The following NTM variants were observed in gnomAD, a reference collection of about 807,000 sequenced individuals.
NTM encodes neurotrimin, also known as IgLON family member 2.
A neutral mutation model predicts 42.1 loss-of-function variants in NTM; 13 were observed. That is an observed-to-expected ratio of 0.31 (90% CI 0.20 to 0.49). The LOEUF (loss-of-function observed/expected upper bound fraction) is 0.49. Ranked by LOEUF, NTM falls within the 20% of genes least tolerant of loss-of-function variation. NTM has a pLI of 0.99. For missense variants in NTM, 373 were observed against 452.8 expected (o/e 0.82, Z 1.60); for synonymous variants, 187 against 179.2 (o/e 1.04, Z -0.35).
chr11:131,713,967 G>A (rs2077425553), intron 1 of NTM, among the ~76,000 whole-genome samples: 1 of 152,172 alleles, frequency 6.6e-6, no homozygotes, highest in African/African-American at 2.4e-5. Context: ...CACGGGCAGT[G>A]GCCTGCCAGC....
chr11:131,675,267 G>A (rs1269039836), intron 1 of NTM, among the ~76,000 whole-genome samples: 1 of 152,190 alleles, frequency 6.6e-6, no homozygotes. Flanking sequence ...GTTGTCGACT[G>A]GCTTTCTTGG....
At position 131,984,069 on chromosome 11, in the gene NTM, G is replaced by A. The variant is rs542902103; in HGVS notation, c.167+72421G>A. 3.4e-4 allele frequency among the ~76,000 whole-genome samples: 52 copies of A among 152,302 alleles called. No homozygotes were observed. In the South Asian group the frequency reaches 0.01, roughly 30 times the overall value. On this transcript the variant is annotated intron_variant, in intron 2 of 8. Coordinates refer to ENST00000683400, the MANE Select transcript of NTM (RefSeq NM_001352005.2). ...CAAGAAAAAATAGACACAGATTTTG[G>A]TGTACAGGTAGCAATCATAGCTACA...
At chr11:132,175,021 C>T (rs1373699965) in intron 3 of NTM, among the ~76,000 whole-genome samples, 1 of 152,168 alleles carries the variant, frequency 6.6e-6, no homozygotes, top group Non-Finnish European at 1.5e-5. Context: ...CACTTTCCCC[C>T]TGCAGCCTGC....
intron 1 of NTM, among the ~76,000 whole-genome samples, chr11:131,601,764 T>C (rs2060506870): frequency 6.6e-6 from 1 of 152,240 alleles, no homozygotes; most frequent in South Asian, 2.1e-4. Context: ...GAATGGCTTT[T>C]CTGTCCTCAT....
intron 1 of NTM, among the ~76,000 whole-genome samples, chr11:131,605,532 G>A (rs540770895): frequency 3.9e-4 from 59 of 152,212 alleles, no homozygotes; most frequent in African/African-American, 1.4e-3. Flanking sequence ...TCTCCAATCT[G>A]GATGCATTTT....
chr11:131,795,747 C>T, intron 1 of NTM: 1 of 985,280 alleles, frequency 1.0e-6, no homozygotes, highest in Non-Finnish European at 1.2e-6. Flanking sequence ...TGTAGTGGTT[C>T]AGGTCATGAT....
intron 2 of NTM, among the ~76,000 whole-genome samples, chr11:131,996,331 A>C (rs2068018783): frequency 6.6e-6 from 1 of 152,142 alleles, no homozygotes; most frequent in Non-Finnish European, 1.5e-5. Context: ...ACAGCGCCTG[A>C]CACACATGTA....
chr11:131,647,298 T>A (rs1235618090), intron 1 of NTM, among the ~76,000 whole-genome samples: 1 of 152,204 alleles, frequency 6.6e-6, no homozygotes, highest in Non-Finnish European at 1.5e-5. Flanking sequence ...AGTCGCACCA[T>A]CAAGGATTTT....
At chr11:131,746,877 TG>T (rs777553754) in intron 1 of NTM, among the ~76,000 whole-genome samples, 28 of 152,318 alleles carry the variant, frequency 1.8e-4, no homozygotes, top group Admixed American at 8.5e-4. Flanking sequence ...ATCAGAGGAC[TG>T]GAGCTGAGGT....
At chr11:131,442,838 C>CAT (rs1389474452) in intron 1 of NTM, among the ~76,000 whole-genome samples, 1 of 151,862 alleles carries the variant, frequency 6.6e-6, no homozygotes, top group East Asian at 1.9e-4. Flanking sequence ...TATACACACA[C>CAT]AGACACACAC....
At chr11:131,454,017 C>T (rs1041848104) in intron 1 of NTM, among the ~76,000 whole-genome samples, 4 of 152,184 alleles carry the variant, frequency 2.6e-5, no homozygotes, top group Admixed American at 6.5e-5. Flanking sequence ...TCTCTAAGCA[C>T]GTTTATTTCC....
At chr11:131,890,237 A>ACTT (rs2051106483) in intron 1 of NTM, among the ~76,000 whole-genome samples, 2 of 151,786 alleles carry the variant, frequency 1.3e-5, no homozygotes, top group South Asian at 4.2e-4. Context: ...ACCCTCAGAG[A>ACTT]CTTCCCCTCT....
chr11:132,246,452 G>A (rs961999655), intron 4 of NTM, among the ~76,000 whole-genome samples: 3 of 152,248 alleles, frequency 2.0e-5, no homozygotes, highest in African/African-American at 7.2e-5. Context: ...TGATTCTGCC[G>A]AGGTCACAGA....
intron 2 of NTM, among the ~76,000 whole-genome samples, chr11:131,954,227 A>G (rs1166208019): frequency 6.6e-6 from 1 of 152,188 alleles, no homozygotes; most frequent in African/African-American, 2.4e-5. Context: ...GTAGCACAGG[A>G]CGCTTCACTC....
At chr11:131,930,938 G>A (rs1362180152) in intron 2 of NTM, among the ~76,000 whole-genome samples, 1 of 152,148 alleles carries the variant, frequency 6.6e-6, no homozygotes, top group Non-Finnish European at 1.5e-5. Context: ...AGTCAGAAGT[G>A]CTTTGATGCT....
chr11:131,612,522 A>C (rs917926574), intron 1 of NTM, among the ~76,000 whole-genome samples: 5 of 152,244 alleles, frequency 3.3e-5, no homozygotes, highest in East Asian at 3.9e-4. Flanking sequence ...AAGTCTATCC[A>C]AAAGGGTGCA....
At chr11:132,035,707 G>C (rs539372152) in intron 2 of NTM, among the ~76,000 whole-genome samples, 11 of 152,038 alleles carry the variant, frequency 7.2e-5, no homozygotes, top group African/African-American at 1.2e-4. Context: ...TCCTGTGTGC[G>C]TGAGCCCCAT....
intron 1 of NTM, among the ~76,000 whole-genome samples, chr11:131,808,443 C>T (rs757188289): frequency 2.0e-5 from 3 of 152,228 alleles, no homozygotes; most frequent in Non-Finnish European, 2.9e-5. Context: ...GGGCCACACA[C>T]ACTGCCTAGC....
intron 1 of NTM, among the ~76,000 whole-genome samples, chr11:131,505,373 C>G (rs1266283214): frequency 6.6e-6 from 1 of 152,162 alleles, no homozygotes; most frequent in Non-Finnish European, 1.5e-5. Flanking sequence ...CTTTGATCAT[C>G]AAAGTATGGT....
Sources: gnomAD v4.1 joint callset for allele counts (sites outside exome capture counted in the v4.1 genomes callset) on GRCh38, gnomAD v4.1.1 for gene constraint, MANE v1.5 for transcripts, NCBI Gene and HGNC (gene_info 2026-07-23, HGNC 2026-07-21) for gene names.